Variants in ARL15 observed in about 807,000 individuals in gnomAD.
ARL15 encodes the protein ADP-ribosylation factor-like protein 15.
A neutral mutation model predicts 25.2 loss-of-function variants in ARL15; 19 were observed. That is an observed-to-expected ratio of 0.75 (90% CI 0.53 to 1.10). The LOEUF (loss-of-function observed/expected upper bound fraction) is 1.10. ARL15 is among the 50% of genes least tolerant of loss of function. ARL15 has a pLI of 0.00. For missense variants in ARL15, 220 were observed against 246.0 expected (o/e 0.89, Z 0.71); for synonymous variants, 94 against 86.8 (o/e 1.08, Z -0.46).
At chr5:54,223,138 A>C (rs1298946708) in intron 1 of ARL15, among the ~76,000 whole-genome samples, 1 of 151,932 alleles carries the variant, frequency 6.6e-6, no homozygotes, top group Non-Finnish European at 1.5e-5. Flanking sequence ...CATGTTATTA[A>C]AAGGCAGTGA....
At chr5:54,084,235 C>A (rs1367982833) in intron 4 of ARL15, among the ~76,000 whole-genome samples, 8 of 152,122 alleles carry the variant, frequency 5.3e-5, no homozygotes, top group Non-Finnish European at 1.2e-4. Flanking sequence ...CAGAAGGGGT[C>A]TAGAAGGCCT....
At chr5:53,978,622 CAA>C (rs147288475) in intron 4 of ARL15, among the ~76,000 whole-genome samples, 2 of 74,590 alleles carry the variant, frequency 2.7e-5, no homozygotes, top group Non-Finnish European at 2.5e-5. Flanking sequence ...CCTGTCTCTA[CAA>C]AAAAAAAAAA....
At chr5:54,039,800 TAAAAAAAAA>T (rs35030165) in intron 4 of ARL15, among the ~76,000 whole-genome samples, 1 of 52,554 alleles carries the variant, frequency 1.9e-5, no homozygotes, top group East Asian at 6.1e-4. Flanking sequence ...AGACTCTGTC[TAAAAAAAAA>T]AAAAAAAAAA....
At chr5:53,894,746 C>T (rs754181269) in intron 4 of ARL15, among the ~76,000 whole-genome samples, 17 of 152,176 alleles carry the variant, frequency 1.1e-4, no homozygotes, top group Admixed American at 3.3e-4. Context: ...CTGCTTCCAA[C>T]CCTAGGTGCC....
chr5:54,022,506 A>G (rs1407623462), intron 4 of ARL15, among the ~76,000 whole-genome samples: 3 of 152,132 alleles, frequency 2.0e-5, no homozygotes, highest in African/African-American at 7.2e-5. Flanking sequence ...ATTAGCTCAC[A>G]GGAAAGGAGA....
chr5:54,011,998 ACT>A (rs1356976893), intron 4 of ARL15, among the ~76,000 whole-genome samples: 1 of 143,200 alleles, frequency 7.0e-6, no homozygotes, highest in African/African-American at 2.6e-5. Flanking sequence ...ACAGAGCAAG[ACT>A]CTGTCTCAAA....
intron 1 of ARL15, among the ~76,000 whole-genome samples, chr5:54,180,748 C>T (rs939681239): frequency 6.6e-6 from 1 of 152,192 alleles, no homozygotes; most frequent in African/African-American, 2.4e-5. Flanking sequence ...AATCCACATT[C>T]CTTTTTGGGG....
At chr5:53,939,265 A>G (rs1746451037) in intron 4 of ARL15, among the ~76,000 whole-genome samples, 1 of 152,206 alleles carries the variant, frequency 6.6e-6, no homozygotes, top group Non-Finnish European at 1.5e-5. Context: ...TTTTCTTATG[A>G]AAGTGTTACC....
At chr5:54,162,805 T>C (rs1754445708) in intron 2 of ARL15, among the ~76,000 whole-genome samples, 1 of 152,214 alleles carries the variant, frequency 6.6e-6, no homozygotes. Context: ...CAAAGAGTTG[T>C]CGATTCAATT....
Position 54,113,292 on chromosome 5 carries a change from G to C in ARL15, c.372C>G (p.His124Gln). The change falls in exon 4 of 5, where the codon CAC (histidine) becomes CAG (glutamine). Residue 124 changes from histidine to glutamine, a missense_variant. Coordinates refer to ENST00000504924, the MANE Select transcript of ARL15 (RefSeq NM_019087.3). ...ATAACTGTGGATGCTGAAGAGCTGAGTGCAGCTCATTTCTAGCAGCTTCTA... is the reference window on the plus strand; with the variant it reads ...ATAACTGTGGATGCTGAAGAGCTGACTGCAGCTCATTTCTAGCAGCTTCTA... ...DDLEAARNEL[H>Q]SALQHPQLCT... 6.2e-7 allele frequency: 1 copy of C among 1,613,940 alleles called. No homozygotes were observed. Among genetic ancestry groups the C allele is most frequent in the African/African-American group, 1.3e-5 (1 of 75,044 alleles).
chr5:53,905,651 T>C (rs1745224509), intron 4 of ARL15, among the ~76,000 whole-genome samples: 1 of 152,190 alleles, frequency 6.6e-6, no homozygotes, highest in Admixed American at 6.5e-5. Context: ...CTATTTTACC[T>C]TGAAATTATC....
chr5:54,121,572 T>C (rs530849955), intron 3 of ARL15, among the ~76,000 whole-genome samples: 1 of 152,320 alleles, frequency 6.6e-6, no homozygotes, highest in Admixed American at 6.5e-5. Flanking sequence ...AGTTTAGGGA[T>C]CAAGTATGTT....
At chr5:54,252,830 C>T (rs972462974) in intron 1 of ARL15, among the ~76,000 whole-genome samples, 3 of 152,150 alleles carry the variant, frequency 2.0e-5, no homozygotes, top group Non-Finnish European at 4.4e-5. Context: ...CTCAAGCAAT[C>T]CTTTCACCTC....
At chr5:54,280,906 A>G (rs542488847) in intron 1 of ARL15, among the ~76,000 whole-genome samples, 5 of 152,080 alleles carry the variant, frequency 3.3e-5, no homozygotes, top group African/African-American at 1.2e-4. Flanking sequence ...ATCTACATAG[A>G]TACATCTCCA....
intron 4 of ARL15, among the ~76,000 whole-genome samples, chr5:53,926,380 A>G (rs1746023238): frequency 1.3e-5 from 2 of 149,572 alleles, no homozygotes; most frequent in South Asian, 4.3e-4. Flanking sequence ...TGGGAAGATG[A>G]AGCCATGGAG....
At chr5:54,063,466 T>C (rs748729629) in intron 4 of ARL15, among the ~76,000 whole-genome samples, 8 of 152,184 alleles carry the variant, frequency 5.3e-5, no homozygotes, top group Non-Finnish European at 1.0e-4. Flanking sequence ...TTACCTGATA[T>C]AGTAAGATGA....
intron 4 of ARL15, among the ~76,000 whole-genome samples, chr5:53,977,011 T>G (rs974082301): frequency 6.6e-5 from 10 of 152,186 alleles, no homozygotes; most frequent in Admixed American, 2.6e-4. Flanking sequence ...TTTGTTAACT[T>G]TTATCTCCAA....
At chr5:53,959,362 G>A (rs913335117) in intron 4 of ARL15, among the ~76,000 whole-genome samples, 4 of 152,058 alleles carry the variant, frequency 2.6e-5, no homozygotes, top group Non-Finnish European at 4.4e-5. Context: ...TCCCCCAAGG[G>A]CGCTTTTTAT....
chr5:54,234,609 C>A (rs1756755799), intron 1 of ARL15, among the ~76,000 whole-genome samples: 1 of 152,116 alleles, frequency 6.6e-6, no homozygotes, highest in Non-Finnish European at 1.5e-5. Context: ...TGTTTTTGTA[C>A]AACAGTCTCC....
Sources: allele counts gnomAD v4.1 joint callset (sites outside exome capture counted in the v4.1 genomes callset), GRCh38; gene constraint gnomAD v4.1.1; transcripts MANE v1.5; gene names NCBI Gene and HGNC (gene_info 2026-07-23, HGNC 2026-07-21).